Variants in OR56A3 observed in about 807,000 individuals in gnomAD.
OR56A3 encodes olfactory receptor 56A3.
A neutral mutation model predicts 17.5 loss-of-function variants in OR56A3; 23 were observed. The observed-to-expected ratio is 1.32, with a 90% CI of 0.95 to 1.87. OR56A3 has a LOEUF of 1.87. Among genes scored for constraint, OR56A3 ranks in the 40% most tolerant of loss-of-function variants. The pLI is 0.00. For synonymous variants in OR56A3, 175 were observed against 150.6 expected (o/e 1.16, Z -1.19); for missense variants, 366 against 380.1 (o/e 0.96, Z 0.31).
the OR56A3 span, among the ~76,000 whole-genome samples, chr11:5,962,531 C>CT: frequency 0.018 from 2,361 of 128,384 alleles, 56 homozygotes; most frequent in African/African-American, 0.053. Context: ...CTGGGCTTTT[C>CT]TTTTTTTTTT....
At chr11:6,014,641 C>G in the OR56A3 span, among the ~76,000 whole-genome samples, 2 of 151,970 alleles carry the variant, frequency 1.3e-5, no homozygotes, top group Admixed American at 1.3e-4. Flanking sequence ...AACTTTGGAA[C>G]CGGGTAATGG....
chr11:5,942,791 A>G lies in OR56A3; in HGVS notation c.-314+417A>G, dbSNP rs111694756. ...AGCTACCTGTCACTGGATGCACTGA[A>G]TAATATCTGAAACTACACCTGAGAG... On this transcript the variant is annotated intron_variant, in intron 1 of 2. Transcript: ENST00000641160. Among the ~76,000 whole-genome samples the G allele has an allele frequency of 3.7e-3, 568 of 152,410 alleles. 3 individuals carry two copies. The highest frequency in any genetic ancestry group is 0.013 in the African/African-American group (545 of 41,604).
the OR56A3 span, among the ~76,000 whole-genome samples, chr11:5,999,214 G>A: frequency 3.9e-5 from 6 of 152,146 alleles, no homozygotes; most frequent in African/African-American, 1.4e-4. Context: ...GAGGGAAAGA[G>A]GAGGACTCAA....
At chr11:6,002,565 A>T in the OR56A3 span, 1 of 1,614,248 alleles carries the variant, frequency 6.2e-7, no homozygotes, top group Non-Finnish European at 8.5e-7. Flanking sequence ...CCTAGCCACA[A>T]ACTGGTCAGT....
At chr11:6,021,785 C>T in the OR56A3 span, 4 of 151,942 alleles carry the variant, frequency 2.6e-5, no homozygotes, top group Non-Finnish European at 5.9e-5. Flanking sequence ...AGGAGAGTTC[C>T]TCCTAGAGAA....
chr11:6,016,001 T>C, the OR56A3 span, among the ~76,000 whole-genome samples: 3 of 152,078 alleles, frequency 2.0e-5, no homozygotes, highest in African/African-American at 7.2e-5. Flanking sequence ...TGGATTTGTG[T>C]CCCCGCCCAA....
the OR56A3 span, among the ~76,000 whole-genome samples, chr11:5,996,372 C>T: frequency 4.7e-4 from 72 of 152,286 alleles, no homozygotes; most frequent in African/African-American, 1.5e-3. Context: ...AGATAATCAA[C>T]ACATCCAAAG....
the OR56A3 span, among the ~76,000 whole-genome samples, chr11:5,964,954 T>C: frequency 6.6e-6 from 1 of 152,216 alleles, no homozygotes; most frequent in Non-Finnish European, 1.5e-5. Context: ...AATGTGTCTT[T>C]TCTTATCATT....
At chr11:5,962,586 C>T in the OR56A3 span, among the ~76,000 whole-genome samples, 5 of 146,388 alleles carry the variant, frequency 3.4e-5, no homozygotes, top group South Asian at 2.1e-4. Flanking sequence ...GGCCAGACTG[C>T]GGACTGCAGT....
At chr11:6,021,607 T>C in the OR56A3 span, 1 of 152,024 alleles carries the variant, frequency 6.6e-6, no homozygotes, top group East Asian at 1.9e-4. Flanking sequence ...GCAGTGTCAC[T>C]CCAAAAGAAG....
At chr11:5,972,982 T>C in the OR56A3 span, among the ~76,000 whole-genome samples, 1 of 152,234 alleles carries the variant, frequency 6.6e-6, no homozygotes, top group Non-Finnish European at 1.5e-5. Flanking sequence ...CATTCTCTTA[T>C]TCTACATTAA....
chr11:6,017,896 G>T, the OR56A3 span, among the ~76,000 whole-genome samples: 4 of 152,082 alleles, frequency 2.6e-5, no homozygotes, highest in Non-Finnish European at 5.9e-5. Context: ...TGAAACCAAA[G>T]GTGGACGGGA....
the OR56A3 span, chr11:5,987,067 A>C: frequency 1.3e-6 from 1 of 760,442 alleles, no homozygotes; most frequent in Non-Finnish European, 2.1e-6. Context: ...GGTGGAGATA[A>C]TTCTTTTACA....
chr11:6,008,769 A>C, the OR56A3 span, among the ~76,000 whole-genome samples: 2 of 152,128 alleles, frequency 1.3e-5, no homozygotes, highest in African/African-American at 4.8e-5. Context: ...AGTACAACAA[A>C]GAATCATTCC....
the OR56A3 span, among the ~76,000 whole-genome samples, chr11:5,957,759 T>G: frequency 6.6e-6 from 1 of 152,188 alleles, no homozygotes; most frequent in East Asian, 1.9e-4. Context: ...TTAAAACTTT[T>G]TTTTAAAGAG....
At chr11:5,980,978 G>A in the OR56A3 span, among the ~76,000 whole-genome samples, 2 of 152,192 alleles carry the variant, frequency 1.3e-5, no homozygotes, top group Non-Finnish European at 2.9e-5. Context: ...TAAGGAGAGT[G>A]ATAATAGGTC....
the OR56A3 span, among the ~76,000 whole-genome samples, chr11:6,004,601 T>G: frequency 6.6e-6 from 1 of 152,172 alleles, no homozygotes; most frequent in Non-Finnish European, 1.5e-5. Context: ...TTAAAAAAAT[T>G]TACCCATTGT....
chr11:6,006,412 C>G, the OR56A3 span: 1 of 152,144 alleles, frequency 6.6e-6, no homozygotes, highest in Non-Finnish European at 1.5e-5. Flanking sequence ...GACTGATATT[C>G]ACAAAGGAGT....
the OR56A3 span, chr11:5,986,480 A>G: frequency 1.2e-6 from 2 of 1,613,980 alleles, no homozygotes; most frequent in South Asian, 2.2e-5. Flanking sequence ...AGGATTGTGG[A>G]ATGGTGCAAG....
Sources: allele counts gnomAD v4.1 joint callset (sites outside exome capture counted in the v4.1 genomes callset), GRCh38; gene constraint gnomAD v4.1.1; transcripts MANE v1.5; gene names NCBI Gene and HGNC (gene_info 2026-07-23, HGNC 2026-07-21).